TCF20: variants seen among roughly 807,000 people sequenced by gnomAD.
The protein encoded by TCF20 is transcription factor 20.
A neutral mutation model predicts 148.6 loss-of-function variants in TCF20; 3 were observed. The ratio of observed to expected loss-of-function variants is 0.02; its 90% CI spans 0.01 to 0.05. The LOEUF is 0.05. TCF20 is among the 10% of genes least tolerant of loss of function. The pLI, the probability that TCF20 is intolerant of heterozygous loss-of-function variation, is 1.00. For synonymous variants in TCF20, 1,049 were observed against 909.5 expected (o/e 1.15, Z -2.76); for missense variants, 2,350 against 2,429.3 (o/e 0.97, Z 0.69).
At chr22:42,268,490 T>C (rs1307243750) in intron 1 of TCF20, among the ~76,000 whole-genome samples, 1 of 152,250 alleles carries the variant, frequency 6.6e-6, no homozygotes, top group Non-Finnish European at 1.5e-5. Context: ...GGAGATGTTA[T>C]GGCATTCTAC....
chr22:42,291,949 G>T (rs1927141166), intron 1 of TCF20, among the ~76,000 whole-genome samples: 1 of 152,076 alleles, frequency 6.6e-6, no homozygotes, highest in Non-Finnish European at 1.5e-5. Context: ...TGTGAGGGAG[G>T]AAGGTCAGGC....
chr22:42,270,860 G>A (rs1328762206), upstream of TCF20, among the ~76,000 whole-genome samples: 1 of 150,672 alleles, frequency 6.6e-6, no homozygotes, highest in Non-Finnish European at 1.5e-5. Flanking sequence ...CTCGCGGCAG[G>A]GTCGCACGGG....
chr22:42,253,895 G>T (rs1925571048), intron 1 of TCF20, among the ~76,000 whole-genome samples: 3 of 151,936 alleles, frequency 2.0e-5, no homozygotes, highest in Non-Finnish European at 4.4e-5. Context: ...TGACCAACAT[G>T]GAGAAACCCT....
At chr22:42,248,983 G>A (rs1925142128) in intron 1 of TCF20, among the ~76,000 whole-genome samples, 1 of 152,216 alleles carries the variant, frequency 6.6e-6, no homozygotes, top group Non-Finnish European at 1.5e-5. Context: ...AGAGATTAGT[G>A]TGCGAGTCTG....
chr22:42,315,823 T>C (rs550841691), intron 1 of TCF20, among the ~76,000 whole-genome samples: 1 of 151,962 alleles, frequency 6.6e-6, no homozygotes, highest in Non-Finnish European at 1.5e-5. Flanking sequence ...AGTAAAGATA[T>C]AAAGACAAGG....
At chr22:42,224,698 T>C (rs920971349) in intron 1 of TCF20, among the ~76,000 whole-genome samples, 34 of 152,046 alleles carry the variant, frequency 2.2e-4, no homozygotes, top group African/African-American at 7.0e-4. Context: ...TATTTGAAAA[T>C]TGATTAAACA....
chr22:42,252,780 G>A (rs1021508043), intron 1 of TCF20, among the ~76,000 whole-genome samples: 1 of 152,000 alleles, frequency 6.6e-6, no homozygotes, highest in Non-Finnish European at 1.5e-5. Flanking sequence ...TGAAACACTA[G>A]AGTAACAATC....
intron 1 of TCF20, among the ~76,000 whole-genome samples, chr22:42,245,959 T>C (rs1924867483): frequency 6.6e-6 from 1 of 152,090 alleles, no homozygotes; most frequent in African/African-American, 2.4e-5. Context: ...TAGTTGTCTG[T>C]TTCCCACACA....
intron 2 of TCF20, among the ~76,000 whole-genome samples, chr22:42,180,037 G>A (rs1310528396): frequency 6.6e-6 from 1 of 152,040 alleles, no homozygotes; most frequent in East Asian, 1.9e-4. Context: ...CACACACTAT[G>A]CCAGGCATTT....
intron 1 of TCF20, among the ~76,000 whole-genome samples, chr22:42,235,783 C>T (rs777402066): frequency 1.3e-5 from 2 of 152,170 alleles, no homozygotes; most frequent in Admixed American, 1.3e-4. Context: ...TGCCACCACA[C>T]GGGAATGTCC....
intron 2 of TCF20, among the ~76,000 whole-genome samples, chr22:42,189,967 ACT>A (rs1937246672): frequency 6.6e-6 from 1 of 152,250 alleles, no homozygotes; most frequent in African/African-American, 2.4e-5. Context: ...GGAGCTGTCC[ACT>A]GAAGCTGCTG....
At chr22:42,236,533 C>G (rs1923902017) in intron 1 of TCF20, among the ~76,000 whole-genome samples, 1 of 152,210 alleles carries the variant, frequency 6.6e-6, no homozygotes, top group Non-Finnish European at 1.5e-5. Flanking sequence ...ACAGTTGGAG[C>G]TCTACTTGGA....
intron 1 of TCF20, among the ~76,000 whole-genome samples, chr22:42,282,980 G>T (rs914290501): frequency 6.6e-6 from 1 of 152,214 alleles, no homozygotes; most frequent in African/African-American, 2.4e-5. Context: ...TCCTTTTCCC[G>T]GGAAACCACT....
At chr22:42,303,761 C>G (rs1420438642) in intron 1 of TCF20, among the ~76,000 whole-genome samples, 2 of 151,240 alleles carry the variant, frequency 1.3e-5, no homozygotes, top group African/African-American at 4.9e-5. Context: ...AACGCTCAGG[C>G]CAAAGGGAGG....
chr22:42,296,555 C>G (rs954940677), intron 1 of TCF20, among the ~76,000 whole-genome samples: 1 of 152,234 alleles, frequency 6.6e-6, no homozygotes, highest in African/African-American at 2.4e-5. Context: ...CAGCCGGCCC[C>G]CTGGCATTGG....
intron 2 of TCF20, among the ~76,000 whole-genome samples, chr22:42,207,613 C>T (rs1267661547): frequency 2.0e-5 from 3 of 151,790 alleles, no homozygotes; most frequent in Non-Finnish European, 2.9e-5. Flanking sequence ...GTCAGGAGCT[C>T]GAGACCAGAC....
intron 2 of TCF20, among the ~76,000 whole-genome samples, chr22:42,199,966 T>TTTC (rs1937886524): frequency 6.6e-6 from 1 of 151,304 alleles, no homozygotes; most frequent in South Asian, 2.1e-4. Flanking sequence ...TCTCTGGGTT[T>TTTC]TTTTTTATAA....
rs1569209680 is a variant in TCF20 at position 42,323,908 on chromosome 22, GTGGTGGTGATGGAGGTTA to G, written c.-37+19553_-37+19570del. 1.9e-3 allele frequency among the ~76,000 whole-genome samples: 257 copies of G among 134,722 alleles called. No individual in the cohort carries two copies. In the East Asian group the frequency reaches 0.037, roughly 20 times the overall value. The allele number at this position is 134,722 out of a possible 152,430, so 88.4% of individuals were successfully genotyped here. On this transcript the variant is annotated intron_variant, in intron 1 of 1. Transcript: ENST00000515426. ...GATGGAGGTTATGGTGGTGGAGGTG[GTGGTGGTGATGGAGGTTA>G]TGGTGGTGGTGGTGGTGATGGAGGT...
intron 2 of TCF20, among the ~76,000 whole-genome samples, chr22:42,189,455 G>A (rs1298555250): frequency 6.6e-6 from 1 of 152,160 alleles, no homozygotes; most frequent in African/African-American, 2.4e-5. Context: ...AATCTCAACT[G>A]GTCAGGAATG....
Sources: allele counts gnomAD v4.1 joint callset (sites outside exome capture counted in the v4.1 genomes callset), GRCh38; gene constraint gnomAD v4.1.1; transcripts MANE v1.5; gene names NCBI Gene and HGNC (gene_info 2026-07-23, HGNC 2026-07-21).